The following SLIT2 variants were observed in gnomAD, a reference collection of about 807,000 sequenced individuals.
SLIT2 encodes the protein slit guidance ligand 2, also known as slit homolog 2 protein.
A neutral mutation model predicts 185.7 loss-of-function variants in SLIT2; 41 were observed. That is an observed-to-expected ratio of 0.22 (90% CI 0.17 to 0.29). The LOEUF (loss-of-function observed/expected upper bound fraction) is 0.29. SLIT2 is among the 10% of genes least tolerant of loss of function. The pLI is 1.00. For synonymous variants in SLIT2, 693 were observed against 680.2 expected (o/e 1.02, Z -0.29); for missense variants, 1,571 against 1,909.0 (o/e 0.82, Z 3.30).
At chr4:20,382,615 T>C (rs1347306571) in intron 4 of SLIT2, among the ~76,000 whole-genome samples, 1 of 152,128 alleles carries the variant, frequency 6.6e-6, no homozygotes, top group Non-Finnish European at 1.5e-5. Flanking sequence ...ATATATTCAG[T>C]CTGAACACTG....
At chr4:20,565,643 T>C (rs1204586578) in intron 26 of SLIT2, among the ~76,000 whole-genome samples, 1 of 151,894 alleles carries the variant, frequency 6.6e-6, no homozygotes, top group Admixed American at 6.6e-5. Context: ...ATATAGAGAC[T>C]CCTTTAGTTA....
chr4:20,390,805 CT>C (rs1465158913), intron 4 of SLIT2, among the ~76,000 whole-genome samples: 2 of 150,174 alleles, frequency 1.3e-5, no homozygotes, highest in African/African-American at 4.9e-5. Flanking sequence ...GACAATTAGA[CT>C]TCCCCAAATA....
chr4:20,561,114 CAA>C (rs1724653387), intron 26 of SLIT2, among the ~76,000 whole-genome samples: 1 of 151,672 alleles, frequency 6.6e-6, no homozygotes, highest in Non-Finnish European at 1.5e-5. Context: ...GAGTATAACA[CAA>C]AGAGGGGAGG....
At chr4:20,348,105 T>G (rs900682818) in intron 4 of SLIT2, among the ~76,000 whole-genome samples, 2 of 152,216 alleles carry the variant, frequency 1.3e-5, no homozygotes, top group Non-Finnish European at 2.9e-5. Context: ...TACGTATTTA[T>G]TTATTTTTGT....
chr4:20,284,634 T>G (rs2109064220), intron 4 of SLIT2, among the ~76,000 whole-genome samples: 1 of 152,328 alleles, frequency 6.6e-6, no homozygotes, highest in East Asian at 1.9e-4. Flanking sequence ...ACTTGTTCAG[T>G]CAATATATCT....
intron 29 of SLIT2, among the ~76,000 whole-genome samples, chr4:20,582,242 G>A (rs916320210): frequency 6.6e-6 from 1 of 152,168 alleles, no homozygotes; most frequent in Non-Finnish European, 1.5e-5. Context: ...GCCTCCTGCA[G>A]AAGCCTCTGT....
chr4:20,337,644 T>G (rs1452351180), intron 4 of SLIT2, among the ~76,000 whole-genome samples: 1 of 152,158 alleles, frequency 6.6e-6, no homozygotes, highest in East Asian at 1.9e-4. Flanking sequence ...AATTCAATTG[T>G]CTCTCTAGAC....
At chr4:20,596,751 T>G in intron 32 of SLIT2, 96 bp downstream of exon 32, 1 of 1,239,188 alleles carries the variant, frequency 8.1e-7, no homozygotes, top group African/African-American at 1.5e-5. Flanking sequence ...TGATAGTATG[T>G]CTTAAATAGA....
chr4:20,477,318 C>T (rs1008023414), intron 5 of SLIT2, among the ~76,000 whole-genome samples: 2 of 151,994 alleles, frequency 1.3e-5, no homozygotes, highest in African/African-American at 2.4e-5. Flanking sequence ...TATCCTGCCT[C>T]CTCCCATGTA....
intron 4 of SLIT2, among the ~76,000 whole-genome samples, chr4:20,459,869 T>A (rs1418515901): frequency 6.6e-6 from 1 of 151,436 alleles, no homozygotes; most frequent in African/African-American, 2.4e-5. Context: ...TGGAATTTTT[T>A]TTTTTTTTTT....
In SLIT2 at chr4:20,285,799, C is replaced by T. The variant is rs544605948; in HGVS notation, c.395+16918C>T. Among the ~76,000 whole-genome samples, 3 of 152,314 alleles carry T rather than the reference C, an allele frequency of 2.0e-5. No individual in the cohort carries two copies. The East Asian group carries it at 5.8e-4, about 29-fold the overall frequency. On this transcript the variant is annotated intron_variant, in intron 4 of 36. Transcript: ENST00000504154. ...CTGGGCTCAAGCAATCTACCTGCTT[C>T]AACCTCCCAAAGTGCTGGGATTACA...
chr4:20,590,370 C>A (rs1359588953), intron 30 of SLIT2, among the ~76,000 whole-genome samples: 1 of 152,124 alleles, frequency 6.6e-6, no homozygotes, highest in African/African-American at 2.4e-5. Context: ...CTATGTGCTT[C>A]ATTGTCTGAA....
chr4:20,420,519 GT>G (rs1327719575), intron 4 of SLIT2, among the ~76,000 whole-genome samples: 1 of 152,048 alleles, frequency 6.6e-6, no homozygotes, highest in African/African-American at 2.4e-5. Flanking sequence ...GGTATCAAGT[GT>G]TTTACAAACA....
At chr4:20,601,690 A>G (rs1204052770) in intron 33 of SLIT2, among the ~76,000 whole-genome samples, 3 of 152,196 alleles carry the variant, frequency 2.0e-5, no homozygotes, top group African/African-American at 7.2e-5. Flanking sequence ...ACAGTGTAAA[A>G]TCTTTGATGA....
intron 11 of SLIT2, among the ~76,000 whole-genome samples, chr4:20,518,100 CACAT>C (rs1466731010): frequency 5.3e-4 from 67 of 126,606 alleles, no homozygotes; most frequent in African/African-American, 1.7e-3. Flanking sequence ...TATATACACA[CACAT>C]ATATATACAT....
intron 3 of SLIT2, among the ~76,000 whole-genome samples, chr4:20,266,997 A>T (rs931723589): frequency 6.6e-6 from 1 of 151,964 alleles, no homozygotes; most frequent in Non-Finnish European, 1.5e-5. Flanking sequence ...GGTTTGGATT[A>T]CATCATGAGA....
At chr4:20,404,702 C>A (rs1361516513) in intron 4 of SLIT2, among the ~76,000 whole-genome samples, 1 of 151,978 alleles carries the variant, frequency 6.6e-6, no homozygotes, top group Non-Finnish European at 1.5e-5. Flanking sequence ...GTCTGTCCTA[C>A]ATATTTAAAC....
chr4:20,330,624 G>C (rs117445683), intron 4 of SLIT2, among the ~76,000 whole-genome samples: 1 of 152,016 alleles, frequency 6.6e-6, no homozygotes, highest in Non-Finnish European at 1.5e-5. Flanking sequence ...TCAGAAGATA[G>C]ATATTTATGT....
intron 4 of SLIT2, among the ~76,000 whole-genome samples, chr4:20,269,511 A>C (rs553601418): frequency 6.6e-6 from 1 of 151,920 alleles, no homozygotes; most frequent in African/African-American, 2.4e-5. Flanking sequence ...CCTCCCTGGA[A>C]TGCTTTTGCA....
Sources: allele counts gnomAD v4.1 joint callset (sites outside exome capture counted in the v4.1 genomes callset), GRCh38; gene constraint gnomAD v4.1.1; transcripts MANE v1.5; gene names NCBI Gene and HGNC (gene_info 2026-07-23, HGNC 2026-07-21).